The following FBXL13 variants were observed in gnomAD, a reference collection of about 807,000 sequenced individuals.
The protein encoded by FBXL13 is F-box and leucine rich repeat protein 13, also known as F-box and leucine-rich repeat protein 13.
FBXL13 carries 67 observed loss-of-function variants against 83.6 expected under a neutral mutation model. That is an observed-to-expected ratio of 0.80 (90% CI 0.66 to 0.98). The LOEUF is 0.98. Ranked by LOEUF, FBXL13 falls within the 50% of genes least tolerant of loss-of-function variation. The pLI is 0.00. For synonymous variants in FBXL13, 272 were observed against 299.5 expected (o/e 0.91, Z 0.95); for missense variants, 822 against 866.5 (o/e 0.95, Z 0.64).
intron 18 of FBXL13, among the ~76,000 whole-genome samples, chr7:102,829,788 T>C (rs897908494): frequency 3.3e-5 from 5 of 152,172 alleles, no homozygotes; most frequent in Non-Finnish European, 7.4e-5. Context: ...TGTGGACTTT[T>C]GGGAAACCTG....
rs796745229 is a variant in FBXL13, at chr7:102,826,894, T to C, written c.1855-4691A>G. Among the ~76,000 whole-genome samples the C allele has an allele frequency of 1.6e-3, 235 of 149,080 alleles. 1 individual carries two copies. The highest frequency in any genetic ancestry group is 5.3e-3 in the African/African-American group (216 of 40,600). ...GAGAGGCTCTTAGGAAATTATCTTC[T>C]TGCATATTATGTTATATTATGCTAT... On this transcript the variant is annotated intron_variant, in intron 18 of 19. Transcript: ENST00000313221.
intron 11 of FBXL13, among the ~76,000 whole-genome samples, chr7:102,890,681 A>T (rs1811432555): frequency 6.6e-6 from 1 of 152,244 alleles, no homozygotes; most frequent in Non-Finnish European, 1.5e-5. Flanking sequence ...CTAAGGTAGT[A>T]AAAAGAAGGA....
chr7:102,878,425 A>T, exon 15 of FBXL13: 1 of 1,607,694 alleles, frequency 6.2e-7, no homozygotes, highest in Admixed American at 1.7e-5. Context: ...CCATCAAGAA[A>T]TTGCTTTAGT....
At chr7:102,951,677 G>A (rs1197080116) in intron 8 of FBXL13, among the ~76,000 whole-genome samples, 1 of 151,314 alleles carries the variant, frequency 6.6e-6, no homozygotes, top group African/African-American at 2.4e-5. Context: ...GCCAGGTGTG[G>A]CCACCTGTAG....
chr7:102,850,956 C>CA (rs1354879939), intron 17 of FBXL13, among the ~76,000 whole-genome samples: 1 of 152,098 alleles, frequency 6.6e-6, no homozygotes, highest in Non-Finnish European at 1.5e-5. Flanking sequence ...TGAGAAACAG[C>CA]AAAAATAATT....
At chr7:102,834,086 AAAAGAAAGAAAGAAAGAAAG>A (rs751744146) in intron 17 of FBXL13, among the ~76,000 whole-genome samples, 7 of 93,666 alleles carry the variant, frequency 7.5e-5, no homozygotes, top group Admixed American at 1.3e-4. Context: ...GGAAGGAAAG[AAAAGAAAGAAAGAAAGAAAG>A]AAAGAAAGAA....
At chr7:103,037,374 A>G (rs1417391131) in intron 2 of FBXL13, among the ~76,000 whole-genome samples, 1 of 152,230 alleles carries the variant, frequency 6.6e-6, no homozygotes, top group Non-Finnish European at 1.5e-5. Context: ...AAGGGTCTTA[A>G]GATTAAGTTT....
intron 17 of FBXL13, among the ~76,000 whole-genome samples, chr7:102,840,927 G>C (rs1562976508): frequency 6.6e-6 from 1 of 152,186 alleles, no homozygotes; most frequent in Non-Finnish European, 1.5e-5. Flanking sequence ...CTGTGAACCA[G>C]AGAGATCCTG....
At chr7:102,985,831 C>A (rs1328885294) in intron 6 of FBXL13, among the ~76,000 whole-genome samples, 2 of 152,190 alleles carry the variant, frequency 1.3e-5, no homozygotes, top group East Asian at 3.8e-4. Flanking sequence ...CAAACCCAAT[C>A]TCAAATGCTA....
intron 14 of FBXL13, among the ~76,000 whole-genome samples, chr7:102,880,829 C>T (rs1809941611): frequency 6.6e-6 from 1 of 152,202 alleles, no homozygotes; most frequent in Non-Finnish European, 1.5e-5. Context: ...GAGGTACAAA[C>T]CCTACAGAAG....
chr7:103,041,661 G>A (rs979540589), intron 2 of FBXL13, among the ~76,000 whole-genome samples: 2 of 152,194 alleles, frequency 1.3e-5, no homozygotes, highest in Non-Finnish European at 2.9e-5. Flanking sequence ...TGCAAGGCTG[G>A]TTCAACATAT....
chr7:102,920,983 C>T (rs890971319), intron 10 of FBXL13, among the ~76,000 whole-genome samples: 57 of 151,958 alleles, frequency 3.8e-4, no homozygotes, highest in Admixed American at 1.6e-3. Context: ...GAAACCCTGT[C>T]GCTACTAAAA....
At position 102,884,320 on chromosome 7, in the gene FBXL13, G is replaced by A; in HGVS notation, c.1009-8C>T. 2 of 1,604,366 alleles carry A rather than the reference G, an allele frequency of 1.2e-6. No homozygotes were observed. Among genetic ancestry groups the A allele is most frequent in the South Asian group, 1.1e-5 (1 of 90,782 alleles). ...GAAGCCTTGGACTGAAATCTGAATTGTACAGAGTAGAAAATAATGGGAGAA... is the reference window on the plus strand; with the variant it reads ...GAAGCCTTGGACTGAAATCTGAATTATACAGAGTAGAAAATAATGGGAGAA... On this transcript the variant is annotated splice_region_variant and splice_polypyrimidine_tract_variant and intron_variant, in intron 11 of 19. Coordinates refer to ENST00000313221, the Ensembl canonical transcript of FBXL13.
chr7:103,053,982 T>A (rs1459783023), intron 2 of FBXL13, among the ~76,000 whole-genome samples: 1 of 152,196 alleles, frequency 6.6e-6, no homozygotes, highest in African/African-American at 2.4e-5. Flanking sequence ...TGCCTCAAAT[T>A]GTTTTTGCCT....
At chr7:103,012,870 C>T (rs1791806785) in intron 6 of FBXL13, among the ~76,000 whole-genome samples, 2 of 152,092 alleles carry the variant, frequency 1.3e-5, no homozygotes, top group Admixed American at 6.6e-5. Context: ...GAAAGCAAAA[C>T]CCAATGGTAT....
At chr7:102,887,371 A>G (rs1810932377) in intron 11 of FBXL13, among the ~76,000 whole-genome samples, 1 of 152,174 alleles carries the variant, frequency 6.6e-6, no homozygotes, top group African/African-American at 2.4e-5. Flanking sequence ...CCAGAGAAAC[A>G]GAACCAATAG....
intron 16 of FBXL13, among the ~76,000 whole-genome samples, chr7:102,874,728 G>A (rs959264515): frequency 4.0e-5 from 6 of 151,898 alleles, no homozygotes; most frequent in Admixed American, 6.6e-5. Context: ...CACCACACCC[G>A]GCTAATTTTT....
At chr7:103,005,316 G>C (rs1352141010) in intron 6 of FBXL13, among the ~76,000 whole-genome samples, 1 of 152,130 alleles carries the variant, frequency 6.6e-6, no homozygotes, top group Non-Finnish European at 1.5e-5. Context: ...CAGAAAAACA[G>C]GATTGAGGAA....
intron 1 of FBXL13, among the ~76,000 whole-genome samples, chr7:103,059,624 A>G (rs1309760688): frequency 6.6e-6 from 1 of 152,152 alleles, no homozygotes; most frequent in Non-Finnish European, 1.5e-5. Flanking sequence ...TAGCTCTCTC[A>G]AGCTTGTAAA....
Sources: allele counts gnomAD v4.1 joint callset (sites outside exome capture counted in the v4.1 genomes callset), GRCh38; gene constraint gnomAD v4.1.1; transcripts MANE v1.5; gene names NCBI Gene and HGNC (gene_info 2026-07-23, HGNC 2026-07-21).